MEGF11: variants seen among roughly 807,000 people sequenced by gnomAD.
MEGF11 encodes the protein multiple EGF like domains 11, also known as multiple epidermal growth factor-like domains protein 11.
MEGF11 carries 126 observed loss-of-function variants against 146.6 expected under a neutral mutation model. That is an observed-to-expected ratio of 0.86 (90% confidence interval 0.74 to 1.00). The LOEUF (loss-of-function observed/expected upper bound fraction) is 1.00, where lower values mean the gene tolerates loss of function less well. Ranked by LOEUF, MEGF11 falls within the 50% of genes least tolerant of loss-of-function variation. MEGF11 has a pLI of 0.00. For missense variants in MEGF11, 1,509 were observed against 1,521.2 expected (o/e 0.99, Z 0.13); for synonymous variants, 532 against 583.4 (o/e 0.91, Z 1.27).
rs773189099 is a variant in MEGF11, at chr15:65,898,032, A to T, written c.3325T>A (p.Tyr1109Asn). The part of the protein sequence containing the change: ...GHNSSYIQNA[Y>N]DLPRNSHIPG... ...ATATGGCTGTTCCTAGGTAGGTCGT[A>T]TGCATTCTGGATATAGCTGGAGTTA... The change falls in exon 26 of 26, where the codon TAC (tyrosine) becomes AAC (asparagine). Residue 1109 changes from tyrosine to asparagine, a missense_variant. Transcript: ENST00000395614. The T allele has an allele frequency of 1.2e-6, 2 of 1,614,012 alleles. No individual in the cohort carries two copies. The highest frequency in any genetic ancestry group is 1.6e-4 in the Middle Eastern group (1 of 6,062).
At chr15:66,195,673 T>C (rs1290075827) in intron 1 of MEGF11, among the ~76,000 whole-genome samples, 2 of 152,216 alleles carry the variant, frequency 1.3e-5, no homozygotes, top group South Asian at 2.1e-4. Flanking sequence ...GAAGCATTTA[T>C]CCATCACTGC....
At chr15:66,036,622 C>A (rs200298286) in intron 5 of MEGF11, among the ~76,000 whole-genome samples, 4 of 152,228 alleles carry the variant, frequency 2.6e-5, no homozygotes, top group Admixed American at 2.6e-4. Context: ...CTGCCTTGAC[C>A]GTCATTTCAT....
At chr15:65,908,644 T>C (rs972914043) in intron 23 of MEGF11, among the ~76,000 whole-genome samples, 2 of 152,214 alleles carry the variant, frequency 1.3e-5, no homozygotes, top group Admixed American at 6.5e-5. Context: ...TTGGACTTTA[T>C]TGGCCAGAGA....
chr15:65,995,136 G>A (rs1269422304), intron 5 of MEGF11, among the ~76,000 whole-genome samples: 1 of 152,216 alleles, frequency 6.6e-6, no homozygotes, highest in Non-Finnish European at 1.5e-5. Context: ...CACAAGGGAA[G>A]ACAGTCTGAG....
At chr15:65,923,823 C>T (rs559420141) in intron 13 of MEGF11, among the ~76,000 whole-genome samples, 2 of 152,320 alleles carry the variant, frequency 1.3e-5, no homozygotes, top group East Asian at 3.9e-4. Context: ...AGGTTCCCTA[C>T]AGCCTGAAGG....
chr15:65,914,018 G>T (rs765377594), intron 19 of MEGF11, 45 bp from the exon 20 acceptor site: 1 of 1,499,706 alleles, frequency 6.7e-7, no homozygotes, highest in Non-Finnish European at 9.3e-7. Flanking sequence ...GCCTTCTTGC[G>T]CTTCAGGTCT....
rs946557772 is a variant in MEGF11, at chr15:66,188,082, G to A, written c.-8-59671C>T. 5.9e-5 allele frequency among the ~76,000 whole-genome samples: 9 copies of A among 152,034 alleles called. No individual in the cohort carries two copies. In the East Asian group the frequency reaches 9.6e-4, roughly 16 times the overall value. On this transcript the variant is annotated intron_variant, in intron 1 of 25. Transcript: ENST00000395614. ...ACTGTCCTGTGCACTGTAGGACATC[G>A]AGCAGCATCCCTGGCCTCTATGCAC...
intron 11 of MEGF11, 31 bp from the exon 12 acceptor site, chr15:65,929,914 C>T: frequency 1.3e-6 from 2 of 1,572,116 alleles, no homozygotes; most frequent in Admixed American, 1.8e-5. Context: ...TGTCACTTCT[C>T]CATCCAGGCC....
chr15:66,057,221 G>A (rs572179428), intron 5 of MEGF11, among the ~76,000 whole-genome samples: 5 of 152,232 alleles, frequency 3.3e-5, no homozygotes, highest in East Asian at 1.9e-4. Flanking sequence ...GGAGGCTTTC[G>A]GTGAAGCAAA....
intron 5 of MEGF11, among the ~76,000 whole-genome samples, chr15:66,018,498 A>T (rs949503638): frequency 2.0e-5 from 3 of 152,232 alleles, no homozygotes; most frequent in Non-Finnish European, 2.9e-5. Context: ...GGTGAACCCC[A>T]GATGCCCACT....
intron 4 of MEGF11, among the ~76,000 whole-genome samples, chr15:66,111,341 G>A (rs1226869327): frequency 6.6e-6 from 1 of 152,240 alleles, no homozygotes; most frequent in Non-Finnish European, 1.5e-5. Context: ...CTGTAAAACA[G>A]AGTCAGTTCC....
intron 5 of MEGF11, among the ~76,000 whole-genome samples, chr15:66,070,709 C>T (rs2085328924): frequency 6.6e-6 from 1 of 152,088 alleles, no homozygotes. Context: ...GCGGGGAGGC[C>T]TTGACTATAT....
chr15:65,988,239 G>C (rs1596958923), intron 5 of MEGF11, among the ~76,000 whole-genome samples: 1 of 151,198 alleles, frequency 6.6e-6, no homozygotes, highest in African/African-American at 2.4e-5. Context: ...GAACTCCTGG[G>C]CTCATCGATC....
At chr15:66,119,238 C>T (rs2087893607) in intron 3 of MEGF11, 52 bp from the exon 4 acceptor site, 3 of 1,234,848 alleles carry the variant, frequency 2.4e-6, no homozygotes, top group Non-Finnish European at 2.3e-6. Flanking sequence ...CAATCACTCC[C>T]ATTTAGAATG....
chr15:65,904,041 G>T (rs78168200), intron 24 of MEGF11, among the ~76,000 whole-genome samples: 10,384 of 152,282 alleles, frequency 0.068, 373 homozygotes, highest in Middle Eastern at 0.099. Context: ...GTAATGAAAT[G>T]TATGCTGAGG....
intron 8 of MEGF11, 32 bp downstream of exon 8, chr15:65,970,521 A>G (rs1173339427): frequency 6.2e-7 from 1 of 1,603,646 alleles, no homozygotes. Context: ...AGTAAAATGG[A>G]CAGCAAAGAT....
rs1035124915 is a variant in MEGF11 at position 66,128,430 on chromosome 15, G to A, written c.-8-19C>T. 1.4e-6 allele frequency: 2 copies of A among 1,399,590 alleles called. No homozygotes were observed. The highest frequency in any genetic ancestry group is 3.0e-5 in the African/African-American group (2 of 67,088). 86.7% of individuals were successfully genotyped at this position (1,399,590 alleles called of 1,614,324 possible). A position where few individuals can be genotyped will look rare whatever the true frequency, so the allele number is the denominator to read the frequency against. On this transcript the variant is annotated intron_variant, in intron 1 of 25. Coordinates refer to ENST00000395614, the MANE Select transcript of MEGF11 (RefSeq NM_001385028.1). ...CCGGGCCCTGCACAGGAGAACAAAGGAGGCTGCGTCTGTGATCAGACCATG... is the reference window on the plus strand; with the variant it reads ...CCGGGCCCTGCACAGGAGAACAAAGAAGGCTGCGTCTGTGATCAGACCATG...
At position 66,210,912 on chromosome 15, in the gene MEGF11, G is replaced by A. The variant is rs1259286212; in HGVS notation, c.-9+42693C>T. Among the ~76,000 whole-genome samples, 4 of 152,230 alleles carry A rather than the reference G, an allele frequency of 2.6e-5. No individual in the cohort carries two copies. In the South Asian group the frequency reaches 6.2e-4, roughly 24 times the overall value. ...TGAGCCCTCAGGACAAGGGGAAGAA[G>A]CAAGTCACAGATGGCAAGAAAAAAC... On this transcript the variant is annotated intron_variant, in intron 1 of 25. Transcript: ENST00000395614.
At chr15:66,193,316 C>G (rs1836173424) in intron 1 of MEGF11, among the ~76,000 whole-genome samples, 1 of 152,148 alleles carries the variant, frequency 6.6e-6, no homozygotes, top group African/African-American at 2.4e-5. Context: ...TGCCTGGACC[C>G]TTTCAAAAGC....
Sources: allele counts gnomAD v4.1 joint callset (sites outside exome capture counted in the v4.1 genomes callset), GRCh38; gene constraint gnomAD v4.1.1; transcripts MANE v1.5; gene names NCBI Gene and HGNC (gene_info 2026-07-23, HGNC 2026-07-21).